Variants in AP2B1 observed in about 807,000 individuals in gnomAD.
AP2B1 encodes AP-2 complex subunit beta.
AP2B1 carries 23 observed loss-of-function variants against 102.0 expected under a neutral mutation model. That is an observed-to-expected ratio of 0.23 (90% confidence interval 0.16 to 0.32). The LOEUF is 0.32. Ranked by LOEUF, AP2B1 falls within the 10% of genes least tolerant of loss-of-function variation. The pLI, the probability that AP2B1 is intolerant of heterozygous loss-of-function variation, is 1.00. For synonymous variants in AP2B1, 381 were observed against 421.2 expected (o/e 0.90, Z 1.17); for missense variants, 541 against 1,157.4 (o/e 0.47, Z 7.73).
chr17:35,714,947 T>G (rs1309716093), intron 20 of AP2B1, among the ~76,000 whole-genome samples: 1 of 152,168 alleles, frequency 6.6e-6, no homozygotes, highest in African/African-American at 2.4e-5. Context: ...TTTAAAAAAT[T>G]AAAAACTATG....
intron 5 of AP2B1, among the ~76,000 whole-genome samples, chr17:35,621,934 A>G (rs1165961745): frequency 6.6e-6 from 1 of 152,182 alleles, no homozygotes; most frequent in Non-Finnish European, 1.5e-5. Context: ...ACTGGTAACC[A>G]AGACTGGGCA....
intron 1 of AP2B1, chr17:35,588,636 A>T (rs1235956841): frequency 6.6e-6 from 1 of 152,250 alleles, no homozygotes; most frequent in Non-Finnish European, 1.5e-5. Context: ...CTCAGGGTAC[A>T]CTTACAAAGT....
intron 14 of AP2B1, among the ~76,000 whole-genome samples, chr17:35,669,030 C>T (rs554975002): frequency 3.3e-5 from 5 of 152,168 alleles, no homozygotes; most frequent in South Asian, 2.1e-4. Context: ...GAATTTCAGA[C>T]GTCATGCTGC....
chr17:35,696,452 AGGCTGGAGTCAATGGTGCCATCTT>A (rs1462354109), intron 18 of AP2B1, among the ~76,000 whole-genome samples: 1 of 143,396 alleles, frequency 7.0e-6, no homozygotes, highest in African/African-American at 2.6e-5. Context: ...TCTGTTGCCC[AGGCTGGAGTCAATGGTGCCATCTT>A]GGCTCACTGC....
chr17:35,715,998 C>T (rs1485500908), intron 20 of AP2B1, among the ~76,000 whole-genome samples: 1 of 152,122 alleles, frequency 6.6e-6, no homozygotes, highest in Non-Finnish European at 1.5e-5. Flanking sequence ...TAAATATTGG[C>T]ATCTCCAACA....
chr17:35,680,701 T>G (rs201441924), intron 17 of AP2B1, among the ~76,000 whole-genome samples: 6 of 134,808 alleles, frequency 4.5e-5, no homozygotes, highest in Admixed American at 3.7e-4. Context: ...TTTTTTTTTG[T>G]TTTTTTTTTT....
At chr17:35,661,459 T>C (rs2075357084) in intron 14 of AP2B1, among the ~76,000 whole-genome samples, 1 of 152,220 alleles carries the variant, frequency 6.6e-6, no homozygotes, top group Non-Finnish European at 1.5e-5. Flanking sequence ...AAGAATCATA[T>C]TCTCGAGATC....
chr17:35,588,422 G>A (rs1180061517), intron 1 of AP2B1, among the ~76,000 whole-genome samples: 1 of 152,168 alleles, frequency 6.6e-6, no homozygotes, highest in African/African-American at 2.4e-5. Flanking sequence ...GATTACAGGC[G>A]TGAGCCAGCG....
At chr17:35,605,004 G>A (rs1397587608) in intron 3 of AP2B1, among the ~76,000 whole-genome samples, 2 of 152,020 alleles carry the variant, frequency 1.3e-5, no homozygotes, top group Non-Finnish European at 1.5e-5. Flanking sequence ...GCTCACTGCA[G>A]TCTCGACCTC....
chr17:35,718,070 T>A (rs72829923), intron 21 of AP2B1, among the ~76,000 whole-genome samples: 19,753 of 152,212 alleles, frequency 0.13, 1,693 homozygotes, highest in South Asian at 0.25. Context: ...GGGAGAAATA[T>A]CTTATTCCTC....
intron 14 of AP2B1, among the ~76,000 whole-genome samples, chr17:35,669,787 C>T (rs1172495756): frequency 2.6e-5 from 4 of 152,194 alleles, no homozygotes; most frequent in African/African-American, 9.7e-5. Context: ...CAACGACCTG[C>T]AACTTTCTAC....
At chr17:35,643,990 A>C (rs968405643) in intron 12 of AP2B1, among the ~76,000 whole-genome samples, 1 of 152,246 alleles carries the variant, frequency 6.6e-6, no homozygotes, top group African/African-American at 2.4e-5. Flanking sequence ...TGTGGCATGC[A>C]GTTTCCTGAC....
intron 12 of AP2B1, among the ~76,000 whole-genome samples, chr17:35,649,315 C>T (rs1453931862): frequency 6.6e-6 from 1 of 151,956 alleles, no homozygotes; most frequent in Non-Finnish European, 1.5e-5. Context: ...ATTGCCCAGG[C>T]GAGAGTGCAG....
At chr17:35,717,402 C>T in intron 21 of AP2B1, 53 bp downstream of exon 21, 2 of 1,600,014 alleles carry the variant, frequency 1.2e-6, no homozygotes. Context: ...AGGTGAGAGC[C>T]CTTTCATGTT....
At chr17:35,678,854 C>A (rs1044387047) in intron 17 of AP2B1, among the ~76,000 whole-genome samples, 4 of 152,014 alleles carry the variant, frequency 2.6e-5, no homozygotes, top group Non-Finnish European at 5.9e-5. Flanking sequence ...AGATTGGCTC[C>A]CTTTACCTTT....
chr17:35,605,909 G>T, intron 4 of AP2B1, 69 bp downstream of exon 4: 1 of 1,564,930 alleles, frequency 6.4e-7, no homozygotes, highest in South Asian at 1.2e-5. Context: ...CACAAGGAAG[G>T]AGTGTAGGGA....
intron 21 of AP2B1, among the ~76,000 whole-genome samples, chr17:35,722,396 C>G (rs1555593461): frequency 6.6e-6 from 1 of 152,144 alleles, no homozygotes; most frequent in Non-Finnish European, 1.5e-5. Context: ...TCAGAATTGT[C>G]TTCCTGACTA....
chr17:35,690,749 T>C (rs1282851889), intron 18 of AP2B1, among the ~76,000 whole-genome samples: 5 of 152,358 alleles, frequency 3.3e-5, no homozygotes, highest in Admixed American at 6.5e-5. Flanking sequence ...GTTGCTGTTA[T>C]ATCTTTTTGT....
At chr17:35,654,176 C>G (rs2075161339) in intron 13 of AP2B1, among the ~76,000 whole-genome samples, 1 of 151,928 alleles carries the variant, frequency 6.6e-6, no homozygotes, top group Non-Finnish European at 1.5e-5. Flanking sequence ...ATTCTTGTGC[C>G]TCAGCCTCCT....
Sources: allele counts gnomAD v4.1 joint callset (sites outside exome capture counted in the v4.1 genomes callset), GRCh38; gene constraint gnomAD v4.1.1; transcripts MANE v1.5; gene names NCBI Gene and HGNC (gene_info 2026-07-23, HGNC 2026-07-21).